The following INPP5A variants were observed in gnomAD, a reference collection of about 807,000 sequenced individuals.
The protein encoded by INPP5A is 43 kDa inositol polyphosphate 5-phophatase.
Under a neutral mutation model 65.2 loss-of-function variants are expected in INPP5A, and 14 were observed. The observed-to-expected ratio is 0.21, with a 90% CI of 0.14 to 0.34. The LOEUF (loss-of-function observed/expected upper bound fraction) is 0.34. INPP5A is among the 10% of genes least tolerant of loss of function. The pLI, the probability that INPP5A is intolerant of heterozygous loss-of-function variation, is 1.00. For missense variants in INPP5A, 431 were observed against 545.6 expected (o/e 0.79, Z 2.09); for synonymous variants, 207 against 208.3 (o/e 0.99, Z 0.05).
rs541262312 is a variant in INPP5A, at chr10:132,707,297, C to T, written c.475-1016C>T. Among the ~76,000 whole-genome samples, 17 of 152,266 alleles carry T rather than the reference C, an allele frequency of 1.1e-4. No homozygotes were observed. The highest frequency in any genetic ancestry group is 2.6e-4 in the African/African-American group (11 of 41,560). On this transcript the variant is annotated intron_variant, in intron 6 of 15. Transcript: ENST00000368594. The surrounding 1 kb of genome is among the most constrained non-coding windows in gnomAD (Gnocchi z 5.5). ...CCAGGCATATGGCTGCTGCTGGGAA[C>T]GGAATGGGCGGTGCCCTGCCCTGTT...
chr10:132,634,689 A>G (rs2072318981), intron 2 of INPP5A, among the ~76,000 whole-genome samples: 2 of 152,130 alleles, frequency 1.3e-5, no homozygotes, highest in African/African-American at 4.8e-5. Context: ...CCATATACAC[A>G]TTTGTGGTTG....
intron 1 of INPP5A, among the ~76,000 whole-genome samples, chr10:132,582,415 CTTTTTTT>C (rs34719567): frequency 1.5e-5 from 2 of 132,858 alleles, no homozygotes; most frequent in East Asian, 4.4e-4. Context: ...TTGTTGATAA[CTTTTTTT>C]TTTTTTTTTT....
intron 2 of INPP5A, among the ~76,000 whole-genome samples, chr10:132,619,799 C>T (rs989191717): frequency 5.3e-5 from 8 of 152,204 alleles, no homozygotes; most frequent in Non-Finnish European, 7.3e-5. Flanking sequence ...GCTGGGATTA[C>T]AGTCATGTAC....
intron 4 of INPP5A, among the ~76,000 whole-genome samples, chr10:132,660,986 C>T (rs914602091): frequency 6.6e-6 from 1 of 152,136 alleles, no homozygotes; most frequent in Non-Finnish European, 1.5e-5. Context: ...TAGGGTCAAA[C>T]CCAGGAGGGA....
At chr10:132,601,563 T>C (rs1235480527) in intron 1 of INPP5A, among the ~76,000 whole-genome samples, 1 of 152,230 alleles carries the variant, frequency 6.6e-6, no homozygotes, top group East Asian at 1.9e-4. Flanking sequence ...ATTTAAGAAG[T>C]CATTGTCAAA....
chr10:132,724,609 C>T (rs1267633432), intron 8 of INPP5A, among the ~76,000 whole-genome samples: 6 of 151,900 alleles, frequency 3.9e-5, no homozygotes, highest in Admixed American at 2.0e-4. Context: ...CCAGCAGGAG[C>T]ACACACCATA....
At chr10:132,552,194 G>A (rs976140966) in intron 1 of INPP5A, among the ~76,000 whole-genome samples, 1 of 148,786 alleles carries the variant, frequency 6.7e-6, no homozygotes, top group Non-Finnish European at 1.5e-5. Context: ...TGCCTTCTCA[G>A]AGCCTTGGTG....
At chr10:132,569,742 G>A (rs2071315575) in intron 1 of INPP5A, among the ~76,000 whole-genome samples, 1 of 151,144 alleles carries the variant, frequency 6.6e-6, no homozygotes, top group Admixed American at 6.6e-5. Context: ...GACCTCAGGT[G>A]ATCCACTCGC....
chr10:132,539,464 C>G (rs2070881874), intron 1 of INPP5A, among the ~76,000 whole-genome samples: 6 of 152,164 alleles, frequency 3.9e-5, no homozygotes, highest in Admixed American at 3.9e-4. Flanking sequence ...CCACCCAAGC[C>G]TCATTCCCAC....
chr10:132,715,112 TG>T (rs943453498), intron 8 of INPP5A, among the ~76,000 whole-genome samples: 2 of 152,158 alleles, frequency 1.3e-5, no homozygotes, highest in African/African-American at 2.4e-5. Flanking sequence ...GGTCAGCCCT[TG>T]GGGGGCATCT....
chr10:132,776,929 C>CAGCA (rs530656206), intron 12 of INPP5A, among the ~76,000 whole-genome samples: 477 of 152,284 alleles, frequency 3.1e-3, no homozygotes, highest in Middle Eastern at 6.8e-3. Context: ...CTCAGAGACA[C>CAGCA]AGCAAGGCCG....
At chr10:132,647,990 C>T (rs2072521616) in intron 3 of INPP5A, among the ~76,000 whole-genome samples, 1 of 152,178 alleles carries the variant, frequency 6.6e-6, no homozygotes. Context: ...TTGAACTAAG[C>T]ATTTGCTTAT....
intron 1 of INPP5A, among the ~76,000 whole-genome samples, chr10:132,594,675 G>A (rs182607549): frequency 7.9e-5 from 12 of 152,186 alleles, no homozygotes; most frequent in East Asian, 1.9e-4. Context: ...TATGTGTGGC[G>A]TGGTGGGTGT....
At chr10:132,779,566 G>A (rs150847627) in intron 13 of INPP5A, among the ~76,000 whole-genome samples, 2,875 of 152,338 alleles carry the variant, frequency 0.019, 35 homozygotes, top group Non-Finnish European at 0.029. Flanking sequence ...ACAGCCTCTC[G>A]GGTTCTCTGG....
At chr10:132,781,301 G>C (rs1041083975) in intron 14 of INPP5A, among the ~76,000 whole-genome samples, 15 of 152,196 alleles carry the variant, frequency 9.9e-5, no homozygotes, top group Admixed American at 2.0e-4. Flanking sequence ...ACTGTCAGCC[G>C]AGGAGCCGGG....
At chr10:132,744,376 G>A (rs536741813) in intron 9 of INPP5A, among the ~76,000 whole-genome samples, 34 of 152,270 alleles carry the variant, frequency 2.2e-4, no homozygotes, top group Admixed American at 5.2e-4. Context: ...CGCTGTCACC[G>A]AGGCAATGGC....
At chr10:132,691,741 G>A (rs965940782) in intron 5 of INPP5A, among the ~76,000 whole-genome samples, 1 of 152,226 alleles carries the variant, frequency 6.6e-6, no homozygotes, top group African/African-American at 2.4e-5. Context: ...TCCTGAGCAC[G>A]TGGTGCGTCA....
At chr10:132,691,724 G>A (rs1005986102) in intron 5 of INPP5A, among the ~76,000 whole-genome samples, 1 of 152,180 alleles carries the variant, frequency 6.6e-6, no homozygotes, top group Admixed American at 6.5e-5. Flanking sequence ...AGTGGGCAGC[G>A]AGCATGTCCT....
At chr10:132,777,425 T>TA (rs1448279994) in intron 12 of INPP5A, among the ~76,000 whole-genome samples, 1 of 152,222 alleles carries the variant, frequency 6.6e-6, no homozygotes, top group African/African-American at 2.4e-5. Context: ...TTTCATGCAG[T>TA]AAAGGAAGGA....
Sources: gnomAD v4.1 joint callset for allele counts (sites outside exome capture counted in the v4.1 genomes callset) on GRCh38, gnomAD v4.1.1 for gene constraint, Gnocchi (gnomAD v3.1) non-coding constraint, MANE v1.5 for transcripts, NCBI Gene and HGNC (gene_info 2026-07-23, HGNC 2026-07-21) for gene names.